CLN3: variants seen among roughly 807,000 people sequenced by gnomAD.
The protein encoded by CLN3 is battenin.
A neutral mutation model predicts 60.7 loss-of-function variants in CLN3; 49 were observed. The ratio of observed to expected loss-of-function variants is 0.81; its 90% CI spans 0.64 to 1.02. CLN3 has a LOEUF of 1.02. Among genes scored for constraint, CLN3 ranks in the 50% least tolerant of loss-of-function variants. CLN3 has a pLI of 0.00. For missense variants in CLN3, 516 were observed against 557.4 expected, an observed-to-expected ratio of 0.93 and a Z score of 0.75; for synonymous variants, 256 against 245.8, an observed-to-expected ratio of 1.04 and a Z score of -0.39.
chr16:28,481,460 A>ACACACACGCG (rs1555468032), intron 14 of CLN3, among the ~76,000 whole-genome samples: 4 of 148,776 alleles, frequency 2.7e-5, no homozygotes. Flanking sequence ...ACACGCACAC[A>ACACACACGCG]CACACACACA....
chr16:28,485,684 TAAAAAAAAAAA>T (rs758152793), intron 9 of CLN3, among the ~76,000 whole-genome samples: 3 of 84,564 alleles, frequency 3.5e-5, no homozygotes, highest in African/African-American at 5.0e-5. Flanking sequence ...CAACACTGAT[TAAAAAAAAAAA>T]AAAAAAAAAA....
chr16:28,491,698 G>A lies in CLN3; in HGVS notation c.46+16C>T. 1 of 1,614,164 alleles carries A rather than the reference G, an allele frequency of 6.2e-7. No individual in the cohort carries two copies. The highest frequency in any genetic ancestry group is 1.7e-4 in the Middle Eastern group (1 of 6,060). On this transcript the variant is annotated intron_variant, in intron 2 of 15. Coordinates refer to ENST00000636147, the MANE Select transcript of CLN3 (RefSeq NM_001042432.2). ...CCAGAGGTGGTCGTTCCATGAGGGT[G>A]GGCGGGAATACTCACCCTCGGAATC...
At chr16:28,486,534 C>T in intron 8 of CLN3, 44 bp from the exon 9 acceptor site, 1 of 1,608,352 alleles carries the variant, frequency 6.2e-7, no homozygotes, top group Non-Finnish European at 8.5e-7. Context: ...CCTAGGCTGA[C>T]CATGGGACAG....
chr16:28,491,928 G>A, intron 1 of CLN3, 92 bp downstream of exon 1: 1 of 885,894 alleles, frequency 1.1e-6, no homozygotes, highest in South Asian at 1.5e-5. Context: ...AAGGAAGCTG[G>A]GGGCTCCATC....
chr16:28,488,911 C>CT (rs1567262653), intron 4 of CLN3, among the ~76,000 whole-genome samples: 1 of 151,852 alleles, frequency 6.6e-6, no homozygotes, highest in Non-Finnish European at 1.5e-5. Flanking sequence ...CAAGAGCTTT[C>CT]TTTTTTTTGA....
At chr16:28,488,002 T>C (rs1409754237) in intron 5 of CLN3, 1 of 460,716 alleles carries the variant, frequency 2.2e-6, no homozygotes, top group East Asian at 4.4e-5. Context: ...GTGGCTTAAA[T>C]GAGCTAATAT....
Position 28,483,713 on chromosome 16 carries a change from CTTTTTTTTTTTT to C in CLN3, c.790+281_790+292del, listed in dbSNP as rs755660742. On this transcript the variant is annotated intron_variant, in intron 10 of 15. Coordinates refer to ENST00000636147, the MANE Select transcript of CLN3 (RefSeq NM_001042432.2). ...CTCCCTCCCTTCCTTCCTTTCTTTT[CTTTTTTTTTTTT>C]TTTTTTTTTTTTTTGCGACAAGGTC... 0.39 allele frequency among the ~76,000 whole-genome samples: 39,133 copies of C among 100,806 alleles called. 7,095 individuals are homozygous for C. Among genetic ancestry groups the C allele is most frequent in the Admixed American group, 0.48 (4,652 of 9,672 alleles). 66.1% of individuals were successfully genotyped at this position (100,806 alleles called of 152,430 possible).
rs1416386130 is a variant in CLN3, at chr16:28,488,636, G to C, written c.249C>G (p.Pro83=). ...SHVDPGPTPI[P]HNSSSRFDCN... ...AGTCAAATCGTGATGAGCTGTTGTG[G>C]GGGATCGGCGTTGGGCCTGGGTCCA... Residue 83 remains proline (P), a synonymous_variant, in exon 5 of 16, where the codon CCC becomes CCG. Coordinates refer to ENST00000636147, the MANE Select transcript of CLN3 (RefSeq NM_001042432.2). The C allele has an allele frequency of 1.2e-6, 2 of 1,614,174 alleles. No individual in the cohort carries two copies. The highest frequency in any genetic ancestry group is 1.7e-6 in the Non-Finnish European group (2 of 1,180,016).
rs1478662819 is a variant in CLN3, at chr16:28,487,738, C to G, written c.298G>C (p.Val100Leu). ...FDCNSVSTAA[V>L]LLADILPTLV... is the part of the protein sequence containing the mutation. ...GTGGGGAGGATGTCCGCCAGGAGCA[C>G]AGCCTGGGACAGGAGAATAGAGTGA... The change falls in exon 6 of 16, where the codon GTG becomes CTG. Residue 100 changes from valine to leucine, a missense_variant. Transcript: ENST00000636147. The G allele has an allele frequency of 6.2e-7, 1 of 1,612,460 alleles. No homozygotes were observed. Among genetic ancestry groups the G allele is most frequent in the East Asian group, 2.2e-5 (1 of 44,862 alleles).
chr16:28,489,149 G>A (rs192312292), intron 4 of CLN3, 141 bp downstream of exon 4: 18 of 716,326 alleles, frequency 2.5e-5, no homozygotes, highest in African/African-American at 8.8e-5. Flanking sequence ...TGATCCGCCC[G>A]CCTCAGCCTC....
At chr16:28,486,675 T>C (rs1030538968) in intron 7 of CLN3, 25 bp from the exon 8 acceptor site, 1 of 1,591,704 alleles carries the variant, frequency 6.3e-7, no homozygotes, top group African/African-American at 1.3e-5. Flanking sequence ...AGCACTGGGA[T>C]GGTCACACCA....
At chr16:28,476,768 A>T (rs1438724778), downstream of CLN3, 1 of 152,694 alleles carries the variant, frequency 6.5e-6, no homozygotes, top group Non-Finnish European at 1.5e-5. Context: ...TTCATGCTGG[A>T]AAGAATGTCC....
At position 28,482,242 on chromosome 16, in the gene CLN3, C is replaced by T. The variant is rs762657279; in HGVS notation, c.963-44G>A. The T allele has an allele frequency of 1.0e-5, 16 of 1,601,486 alleles. No homozygotes were observed. In the South Asian group the frequency reaches 1.7e-4, roughly 17 times the overall value. ...GGAGGAGAGGAGGCTCCTCCAGGGA[C>T]CATCCCGCTCCCCCCGGTGCCTACT... is the stretch of plus-strand genomic sequence containing the variant. On this transcript the variant is annotated intron_variant, in intron 13 of 15. Transcript: ENST00000636147.
chr16:28,487,349 G>C, intron 7 of CLN3, 107 bp downstream of exon 7: 2 of 925,802 alleles, frequency 2.2e-6, no homozygotes, highest in Non-Finnish European at 3.5e-6. Flanking sequence ...GCTTCTAAGG[G>C]TGACAGAATG....
chr16:28,470,525 G>C (rs368382803), downstream of CLN3: 3 of 728,718 alleles, frequency 4.1e-6, no homozygotes, highest in East Asian at 6.9e-5. Flanking sequence ...GACGGGGACC[G>C]GGGCCGGATC....
At chr16:28,485,209 C>T (rs528321398) in intron 9 of CLN3, among the ~76,000 whole-genome samples, 1 of 147,672 alleles carries the variant, frequency 6.8e-6, no homozygotes, top group Admixed American at 6.9e-5. Context: ...TCCCAAAGTG[C>T]TGGGATTACA....
intron 3 of CLN3, 90 bp downstream of exon 3, chr16:28,491,392 T>A (rs915385889): frequency 3.3e-6 from 5 of 1,526,428 alleles, no homozygotes; most frequent in Non-Finnish European, 4.4e-6. Flanking sequence ...TTCAGCTCCT[T>A]TGCGCAGCTT....
chr16:28,491,426 C>A, intron 3 of CLN3, 56 bp downstream of exon 3: 2 of 1,596,628 alleles, frequency 1.3e-6, no homozygotes, highest in Non-Finnish European at 1.7e-6. Flanking sequence ...CCCTTTCCTC[C>A]GGTCACTTCC....
At chr16:28,472,562 T>C (rs1314105497), downstream of CLN3, among the ~76,000 whole-genome samples, 1 of 151,604 alleles carries the variant, frequency 6.6e-6, no homozygotes, top group Non-Finnish European at 1.5e-5. Context: ...TGTAGGAGGC[T>C]GGGCGCGCTG....
Sources: allele counts gnomAD v4.1 joint callset (sites outside exome capture counted in the v4.1 genomes callset), GRCh38; gene constraint gnomAD v4.1.1; transcripts MANE v1.5; gene names NCBI Gene and HGNC (gene_info 2026-07-23, HGNC 2026-07-21).